IL1RAPL1: variants seen among roughly 807,000 people sequenced by gnomAD.
IL1RAPL1 encodes the protein interleukin 1 receptor accessory protein like 1, also known as interleukin-1 receptor accessory protein-like 1.
Under a neutral mutation model 48.4 loss-of-function variants are expected in IL1RAPL1, and 3 were observed. The ratio of observed to expected loss-of-function variants is 0.06; its 90% CI spans 0.03 to 0.16. The LOEUF is 0.16. IL1RAPL1 is among the 10% of genes least tolerant of loss of function. The probability of loss-of-function intolerance (pLI) is 1.00; values close to 1 mark genes in which losing one functional copy is unlikely to be tolerated. For synonymous variants in IL1RAPL1, 185 were observed against 187.7 expected (o/e 0.99, Z 0.12); for missense variants, 349 against 530.6 (o/e 0.66, Z 3.36).
At chrX:29,183,481 A>G (rs7052307) in intron 2 of IL1RAPL1, among the ~76,000 whole-genome samples, 40,346 of 109,771 alleles carry the variant, frequency 0.37, 6,219 homozygotes, top group Non-Finnish European at 0.48. Flanking sequence ...CAAGCAGGTG[A>G]CTTTGACTGA....
At chrX:28,778,921 G>C in intron 1 of IL1RAPL1, among the ~76,000 whole-genome samples, 1 of 111,923 alleles carries the variant, frequency 8.9e-6, no homozygotes, top group Admixed American at 9.5e-5. Context: ...ATACATTATT[G>C]TATTCAATGT....
intron 6 of IL1RAPL1, among the ~76,000 whole-genome samples, chrX:29,677,627 A>C (rs1926322508): frequency 9.0e-6 from 1 of 111,710 alleles, no homozygotes; most frequent in South Asian, 3.8e-4. Context: ...TGAAACTGCA[A>C]GTTGCATCTC....
intron 2 of IL1RAPL1, among the ~76,000 whole-genome samples, chrX:29,139,391 A>G (rs1929200496): frequency 2.7e-5 from 3 of 111,234 alleles, no homozygotes. Flanking sequence ...TAATATTATA[A>G]TTATTGAATA....
intron 5 of IL1RAPL1, among the ~76,000 whole-genome samples, chrX:29,621,039 T>A (rs1924445121): frequency 8.9e-6 from 1 of 112,154 alleles, no homozygotes; most frequent in Non-Finnish European, 1.9e-5. Flanking sequence ...CTATGATTAC[T>A]CCTAACAACT....
chrX:28,771,891 A>G (rs1936311027), intron 1 of IL1RAPL1, among the ~76,000 whole-genome samples: 1 of 94,060 alleles, frequency 1.1e-5, no homozygotes, highest in African/African-American at 4.1e-5. Context: ...AGATTGCGCC[A>G]CTGCAGTCCG....
chrX:29,843,787 C>G (rs1376912487), intron 6 of IL1RAPL1, among the ~76,000 whole-genome samples: 1 of 109,825 alleles, frequency 9.1e-6, no homozygotes, highest in African/African-American at 3.3e-5. Context: ...CTCTCTCTCT[C>G]TCTCTGTGTG....
At chrX:29,789,369 T>C (rs146520284) in intron 6 of IL1RAPL1, among the ~76,000 whole-genome samples, 2,942 of 111,682 alleles carry the variant, frequency 0.026, 73 homozygotes, top group African/African-American at 0.091. Flanking sequence ...CTAGTGCAGT[T>C]GTCCCCTTAA....
chrX:28,935,257 A>C (rs1011146902), intron 2 of IL1RAPL1, among the ~76,000 whole-genome samples: 4 of 111,377 alleles, frequency 3.6e-5, no homozygotes, highest in African/African-American at 1.3e-4. Context: ...TATAGCCCTT[A>C]CATTTAGTTA....
chrX:28,993,105 T>C (rs1229783138), intron 2 of IL1RAPL1, among the ~76,000 whole-genome samples: 1 of 112,091 alleles, frequency 8.9e-6, no homozygotes, highest in Admixed American at 9.5e-5. Context: ...ACCTTAACAT[T>C]CAGCGAAATT....
chrX:29,290,727 G>T (rs992161016), intron 3 of IL1RAPL1, among the ~76,000 whole-genome samples: 1 of 111,578 alleles, frequency 9.0e-6, no homozygotes, highest in Non-Finnish European at 1.9e-5. Flanking sequence ...GCAATACAGG[G>T]TTGGCTGAGC....
chrX:29,855,893 C>T lies in IL1RAPL1; in HGVS notation c.779-61571C>T, dbSNP rs1464799500. On this transcript the variant is annotated intron_variant, in intron 6 of 10. Transcript: ENST00000378993. ...TGGTAGCTACTCTTACTGTCTCAGA[C>T]AGTACCTGAGTCTCTCAGTTATCCA... is the stretch of plus-strand genomic sequence containing the variant. Among the ~76,000 whole-genome samples the T allele has an allele frequency of 5.4e-5, 6 of 111,265 alleles. No homozygotes were observed. In the East Asian group the frequency reaches 1.7e-3, roughly 32 times the overall value.
intron 2 of IL1RAPL1, among the ~76,000 whole-genome samples, chrX:28,883,074 CTTTA>C (rs762892169): frequency 2.2e-3 from 243 of 111,339 alleles, no homozygotes; most frequent in African/African-American, 7.1e-3. Flanking sequence ...ACTCCTATAA[CTTTA>C]TTTAATCCCC....
At chrX:28,994,279 G>A (rs1415635188) in intron 2 of IL1RAPL1, among the ~76,000 whole-genome samples, 1 of 111,384 alleles carries the variant, frequency 9.0e-6, no homozygotes, top group Non-Finnish European at 1.9e-5. Flanking sequence ...TTAAGGGATG[G>A]AGTTACAAAG....
chrX:29,866,999 G>A (rs1458916237), intron 6 of IL1RAPL1, among the ~76,000 whole-genome samples: 2 of 110,658 alleles, frequency 1.8e-5, no homozygotes, highest in East Asian at 5.7e-4. Flanking sequence ...AATCCTATAA[G>A]GTAGATATTC....
chrX:28,757,741 A>G (rs1328141019), intron 1 of IL1RAPL1, among the ~76,000 whole-genome samples: 1 of 112,202 alleles, frequency 8.9e-6, no homozygotes, highest in Non-Finnish European at 1.9e-5. Context: ...GGCTCTCATT[A>G]GCCAAGAAAA....
At chrX:29,518,436 G>A (rs1235197572) in intron 5 of IL1RAPL1, among the ~76,000 whole-genome samples, 2 of 111,003 alleles carry the variant, frequency 1.8e-5, no homozygotes, top group Non-Finnish European at 3.8e-5. Flanking sequence ...TATATGGCAA[G>A]TGAGGTGGGG....
chrX:29,252,128 G>A (rs1165222590), intron 2 of IL1RAPL1, among the ~76,000 whole-genome samples: 5 of 110,147 alleles, frequency 4.5e-5, no homozygotes, highest in African/African-American at 6.8e-5. Context: ...GGTAAGGGGA[G>A]GGGGGAGGGA....
At chrX:28,649,035 A>T (rs1002219594) in intron 1 of IL1RAPL1, among the ~76,000 whole-genome samples, 2 of 111,933 alleles carry the variant, frequency 1.8e-5, no homozygotes, top group African/African-American at 6.5e-5. Context: ...TTAACTTATT[A>T]TTGTCATGGA....
rs1028514724 is a variant in IL1RAPL1, at chrX:29,409,921, C to G, written c.703+10613C>G. Among the ~76,000 whole-genome samples the G allele has an allele frequency of 2.9e-5, 3 of 104,753 alleles. No homozygotes were observed. In the Admixed American group the frequency reaches 3.2e-4, roughly 11 times the overall value. The allele number at this position is 104,753 out of a possible 115,157, so 91.0% of individuals were successfully genotyped here. A position where few individuals can be genotyped will look rare whatever the true frequency, so the allele number is the denominator to read the frequency against. ...CACCACAACCTCCGCCTCCCAGGTT[C>G]AAGCGATTCTCCTGCCTCAGCCTCC... On this transcript the variant is annotated intron_variant, in intron 5 of 10. Coordinates refer to ENST00000378993, the MANE Select transcript of IL1RAPL1 (RefSeq NM_014271.4).
Sources: gnomAD v4.1 joint callset for allele counts (sites outside exome capture counted in the v4.1 genomes callset) on GRCh38, gnomAD v4.1.1 for gene constraint, MANE v1.5 for transcripts, NCBI Gene and HGNC (gene_info 2026-07-23, HGNC 2026-07-21) for gene names.